The following BMPR2 variants were observed in gnomAD, a reference collection of about 807,000 sequenced individuals.
BMPR2 encodes bone morphogenetic protein receptor type-2.
A neutral mutation model predicts 100.8 loss-of-function variants in BMPR2; 29 were observed. That is an observed-to-expected ratio of 0.29 (90% CI 0.21 to 0.39). BMPR2 has a LOEUF of 0.39. BMPR2 is among the 10% of genes least tolerant of loss of function. BMPR2 has a pLI of 1.00. For missense variants in BMPR2, 1,011 were observed against 1,274.5 expected (o/e 0.79, Z 3.15); for synonymous variants, 382 against 442.3 (o/e 0.86, Z 1.71).
intron 1 of BMPR2, among the ~76,000 whole-genome samples, chr2:202,406,933 A>T (rs956763043): frequency 4.0e-5 from 6 of 150,758 alleles, no homozygotes; most frequent in East Asian, 1.9e-4. Flanking sequence ...TTTCTTTTTT[A>T]CTTTTTCTTT....
At chr2:202,546,546 G>C (rs1171921391) in intron 10 of BMPR2, among the ~76,000 whole-genome samples, 1 of 152,156 alleles carries the variant, frequency 6.6e-6, no homozygotes, top group Non-Finnish European at 1.5e-5. Context: ...ATATGTTTCA[G>C]AATTTACAGT....
At chr2:202,488,685 G>A (rs573264897) in intron 3 of BMPR2, among the ~76,000 whole-genome samples, 4 of 151,910 alleles carry the variant, frequency 2.6e-5, no homozygotes, top group African/African-American at 4.8e-5. Flanking sequence ...CTCCTGCCTC[G>A]GCCTCCCAAA....
At chr2:202,453,254 T>G (rs1427337418) in intron 1 of BMPR2, among the ~76,000 whole-genome samples, 2 of 152,062 alleles carry the variant, frequency 1.3e-5, no homozygotes, top group Admixed American at 6.6e-5. Context: ...TATCAGAAAT[T>G]CTGCCCATTA....
In BMPR2 at chr2:202,459,709, G is replaced by A. The variant is rs182824713; in HGVS notation, c.77-5100G>A. 1.9e-3 allele frequency among the ~76,000 whole-genome samples: 288 copies of A among 152,222 alleles called. 3 individuals carry two copies. Among genetic ancestry groups the A allele is most frequent in the Admixed American group, 0.016 (248 of 15,272 alleles). Reference sequence around the variant, plus strand: ...TAGGAACAGGCAAAGTTTTCATGACGATGCCAAAAGCAATTGCAACAAAAG... The same window carrying A: ...TAGGAACAGGCAAAGTTTTCATGACAATGCCAAAAGCAATTGCAACAAAAG... On this transcript the variant is annotated intron_variant, in intron 1 of 12. Coordinates refer to ENST00000374580, the MANE Select transcript of BMPR2 (RefSeq NM_001204.7).
chr2:202,414,856 C>T (rs1030318927), intron 1 of BMPR2, among the ~76,000 whole-genome samples: 7 of 152,106 alleles, frequency 4.6e-5, no homozygotes, highest in African/African-American at 1.7e-4. Context: ...TCTCCTGCCT[C>T]AGCCTCCTGA....
chr2:202,467,626 A>G lies in BMPR2; in HGVS notation c.355A>G (p.Ser119Gly), dbSNP rs1172027475. 1 of 1,610,982 alleles carries G rather than the reference A, an allele frequency of 6.2e-7. No homozygotes were observed. The highest frequency in any genetic ancestry group is 8.5e-7 in the Non-Finnish European group (1 of 1,177,094). The change falls in exon 3 of 13, where the codon AGC (serine) becomes GGC (glycine). Residue 119 changes from serine to glycine, a missense_variant. Physicochemically the swap from Ser to Gly is moderately conservative, Grantham distance 56 (BLOSUM62 0). Around this residue, in one of 6 missense-constraint regions of BMPR2, gnomAD observed 355 missense variants for 455.3 expected, o/e 0.78. Transcript: ENST00000374580. ...TGGAACATACCGTTTCTGCTGTTGT[A>G]GCACAGATTTATGTAATGTCAACTT... Reference protein sequence around the residue: ...QNGTYRFCCCSTDLCNVNFTE... With the variant: ...QNGTYRFCCCGTDLCNVNFTE...
intron 2 of BMPR2, among the ~76,000 whole-genome samples, chr2:202,466,407 C>T (rs570346347): frequency 2.0e-5 from 3 of 152,010 alleles, no homozygotes; most frequent in Non-Finnish European, 4.4e-5. Flanking sequence ...CTGCCTCAGC[C>T]TGCCAAGTAG....
At chr2:202,412,329 C>G (rs753084594) in intron 1 of BMPR2, among the ~76,000 whole-genome samples, 1 of 152,082 alleles carries the variant, frequency 6.6e-6, no homozygotes, top group Admixed American at 6.6e-5. Flanking sequence ...TTGGCAGATT[C>G]ATTCTTTGAG....
chr2:202,502,676 C>A (rs529485112), intron 3 of BMPR2, among the ~76,000 whole-genome samples: 1 of 152,298 alleles, frequency 6.6e-6, no homozygotes, highest in Admixed American at 6.5e-5. Context: ...AGTGACTCTC[C>A]AAAACCGCCG....
intron 1 of BMPR2, among the ~76,000 whole-genome samples, chr2:202,384,711 A>G (rs951418933): frequency 1.3e-5 from 2 of 151,704 alleles, no homozygotes; most frequent in Non-Finnish European, 2.9e-5. Context: ...CTTGTGCCTC[A>G]GCCTCCTGAG....
chr2:202,554,048 T>C (rs565999739), intron 11 of BMPR2, among the ~76,000 whole-genome samples: 1 of 152,330 alleles, frequency 6.6e-6, no homozygotes, highest in Non-Finnish European at 1.5e-5. Context: ...GGTGAAAAAT[T>C]TGGTTTGCAC....
intron 1 of BMPR2, among the ~76,000 whole-genome samples, chr2:202,390,245 A>C (rs1690519609): frequency 6.6e-6 from 1 of 152,122 alleles, no homozygotes; most frequent in South Asian, 2.1e-4. Context: ...TACATTTAAA[A>C]TCTTGAAATG....
intron 1 of BMPR2, among the ~76,000 whole-genome samples, chr2:202,431,186 G>T (rs1355319691): frequency 2.7e-5 from 4 of 150,358 alleles, no homozygotes; most frequent in Non-Finnish European, 5.9e-5. Context: ...TCCTTTGCTG[G>T]AGCAATAATA....
At position 202,560,139 on chromosome 2, in the gene BMPR2, T is replaced by A; in HGVS notation, c.*193T>A. 1.4e-6 allele frequency: 1 copy of A among 719,720 alleles called. No homozygotes were observed. The highest frequency in any genetic ancestry group is 2.2e-6 in the Non-Finnish European group (1 of 453,088). 44.6% of individuals were successfully genotyped at this position (719,720 alleles called of 1,614,324 possible). The stretch of plus-strand genomic sequence containing the variant: ...TATGCTTCCATATTTTTAAATTTTG[T>A]TTTTTAAGTTTTGCACTTTTGTTTA... On this transcript the variant is annotated 3_prime_UTR_variant, in exon 13 of 13. Transcript: ENST00000374580.
chr2:202,378,277 A>G (rs1379226628), intron 1 of BMPR2, among the ~76,000 whole-genome samples: 2 of 152,152 alleles, frequency 1.3e-5, no homozygotes, highest in African/African-American at 2.4e-5. Flanking sequence ...TTTCCTTTGG[A>G]TATTTTCATT....
chr2:202,534,476 G>C (rs542761643), intron 9 of BMPR2, among the ~76,000 whole-genome samples: 469 of 151,998 alleles, frequency 3.1e-3, no homozygotes, highest in Non-Finnish European at 5.6e-3. Flanking sequence ...CGAGCATGCT[G>C]CCTTCAAGCA....
At chr2:202,466,833 A>T (rs919557151) in intron 2 of BMPR2, among the ~76,000 whole-genome samples, 2 of 142,980 alleles carry the variant, frequency 1.4e-5, no homozygotes, top group African/African-American at 5.2e-5. Flanking sequence ...CCTGGGCTCA[A>T]GTGATCCTCC....
intron 1 of BMPR2, among the ~76,000 whole-genome samples, chr2:202,378,185 T>C (rs1271225162): frequency 6.6e-6 from 1 of 152,248 alleles, no homozygotes; most frequent in Non-Finnish European, 1.5e-5. Context: ...GAGACAACTT[T>C]GACCTGACAT....
chr2:202,558,663 G>C (rs1280605483), intron 12 of BMPR2, among the ~76,000 whole-genome samples: 3 of 151,132 alleles, frequency 2.0e-5, no homozygotes, highest in Non-Finnish European at 4.4e-5. Flanking sequence ...GGAGGCTGAG[G>C]CGGGCGGATC....
Sources: allele counts gnomAD v4.1 joint callset (sites outside exome capture counted in the v4.1 genomes callset), GRCh38; gene constraint gnomAD v4.1.1; regional missense constraint gnomAD v4.1.1; transcripts MANE v1.5; gene names NCBI Gene and HGNC (gene_info 2026-07-23, HGNC 2026-07-21).